Variants in JPH1 observed in about 807,000 individuals in gnomAD.
JPH1 encodes junctophilin-1.
A neutral mutation model predicts 53.6 loss-of-function variants in JPH1; 12 were observed. The observed-to-expected ratio is 0.22, with a 90% CI of 0.14 to 0.36. JPH1 has a LOEUF of 0.36. Ranked by LOEUF, JPH1 falls within the 10% of genes least tolerant of loss-of-function variation. The pLI, the probability that JPH1 is intolerant of heterozygous loss-of-function variation, is 1.00. For missense variants in JPH1, 808 were observed against 905.5 expected (o/e 0.89, Z 1.38); for synonymous variants, 375 against 363.8 (o/e 1.03, Z -0.35).
chr8:74,259,544 C>G lies in JPH1; in HGVS notation c.1140-41G>C, dbSNP rs200272110. The G allele has an allele frequency of 8.1e-6, 11 of 1,352,882 alleles. No individual in the cohort carries two copies. The African/African-American group carries it at 1.6e-4, about 20-fold the overall frequency. 83.8% of individuals were successfully genotyped at this position (1,352,882 alleles called of 1,614,324 possible). A position where few individuals can be genotyped will look rare whatever the true frequency, so the allele number is the denominator to read the frequency against. On this transcript the variant is annotated intron_variant, in intron 2 of 5. Coordinates refer to ENST00000342232, the MANE Select transcript of JPH1 (RefSeq NM_020647.4). ...AAGGACGAGTCAGCATAGGTGACCC[C>G]TTGTTACTTACACAGGGACAAGCAA...
At chr8:74,265,054 C>T (rs915073487) in intron 2 of JPH1, among the ~76,000 whole-genome samples, 1 of 152,124 alleles carries the variant, frequency 6.6e-6, no homozygotes, top group African/African-American at 2.4e-5. Context: ...TATTTTTATA[C>T]CCCCAAAATC....
chr8:74,294,691 C>T (rs1032442099), intron 2 of JPH1, among the ~76,000 whole-genome samples: 8 of 152,162 alleles, frequency 5.3e-5, no homozygotes, highest in Non-Finnish European at 8.8e-5. Context: ...GTATCTTTTT[C>T]ATTTTGGTTT....
intron 2 of JPH1, among the ~76,000 whole-genome samples, chr8:74,270,603 C>G (rs1806670760): frequency 6.6e-6 from 1 of 152,116 alleles, no homozygotes; most frequent in South Asian, 2.1e-4. Flanking sequence ...AAGATGAATG[C>G]ATGTACATCA....
At chr8:74,270,222 G>T (rs1220853268) in intron 2 of JPH1, among the ~76,000 whole-genome samples, 1 of 152,144 alleles carries the variant, frequency 6.6e-6, no homozygotes, top group African/African-American at 2.4e-5. Context: ...TTTAGGTGGT[G>T]TTAAAAATAC....
chr8:74,253,819 A>T (rs200665567), intron 3 of JPH1, among the ~76,000 whole-genome samples: 3 of 152,038 alleles, frequency 2.0e-5, no homozygotes, highest in African/African-American at 2.4e-5. Flanking sequence ...CCTTGACACA[A>T]ACACTCTCCC....
At chr8:74,275,212 A>G (rs1229724234) in intron 2 of JPH1, among the ~76,000 whole-genome samples, 2 of 152,218 alleles carry the variant, frequency 1.3e-5, no homozygotes, top group African/African-American at 4.8e-5. Flanking sequence ...CTAACACAGG[A>G]GGGACCATTC....
At chr8:74,286,826 T>C (rs1332942003) in intron 2 of JPH1, among the ~76,000 whole-genome samples, 2 of 152,220 alleles carry the variant, frequency 1.3e-5, no homozygotes, top group African/African-American at 4.8e-5. Flanking sequence ...GTATGTTTGA[T>C]CTTCCTAAAG....
At chr8:74,268,011 G>A (rs997763815) in intron 2 of JPH1, among the ~76,000 whole-genome samples, 8 of 152,322 alleles carry the variant, frequency 5.3e-5, no homozygotes, top group African/African-American at 1.9e-4. Flanking sequence ...TTTGGAACCA[G>A]GCAGACCCAG....
chr8:74,311,613 C>T (rs1266226031), intron 2 of JPH1, among the ~76,000 whole-genome samples: 3 of 151,780 alleles, frequency 2.0e-5, no homozygotes, highest in Non-Finnish European at 2.9e-5. Context: ...TGCTGGTGTG[C>T]TGCACCCATC....
At chr8:74,255,656 G>T (rs1198552270) in intron 3 of JPH1, among the ~76,000 whole-genome samples, 1 of 151,882 alleles carries the variant, frequency 6.6e-6, no homozygotes, top group African/African-American at 2.4e-5. Flanking sequence ...TCTGACAAAG[G>T]GCTAATATCC....
intron 2 of JPH1, among the ~76,000 whole-genome samples, chr8:74,280,724 A>T (rs1806988586): frequency 6.6e-6 from 1 of 152,348 alleles, no homozygotes; most frequent in African/African-American, 2.4e-5. Flanking sequence ...TAAGTTCTCA[A>T]AAATGTGGAA....
intron 2 of JPH1, among the ~76,000 whole-genome samples, chr8:74,302,079 G>T (rs1807698880): frequency 6.6e-6 from 1 of 152,226 alleles, no homozygotes; most frequent in African/African-American, 2.4e-5. Flanking sequence ...GAGAGGAGAT[G>T]ACAGATGTCA....
At chr8:74,297,287 A>G (rs1215164327) in intron 2 of JPH1, among the ~76,000 whole-genome samples, 3 of 152,232 alleles carry the variant, frequency 2.0e-5, no homozygotes, top group South Asian at 2.1e-4. Context: ...AAAGATTTGC[A>G]GCTGGACTGC....
intron 2 of JPH1, among the ~76,000 whole-genome samples, chr8:74,301,173 G>A (rs1024290274): frequency 2.0e-5 from 3 of 151,952 alleles, no homozygotes; most frequent in Admixed American, 1.3e-4. Flanking sequence ...CCTCAACCAG[G>A]GTCTTTTATC....
chr8:74,268,225 A>G (rs1806591741), intron 2 of JPH1, among the ~76,000 whole-genome samples: 2 of 152,204 alleles, frequency 1.3e-5, no homozygotes, highest in South Asian at 4.1e-4. Context: ...TGGCAGGGGA[A>G]ATCTGGGGCT....
intron 2 of JPH1, among the ~76,000 whole-genome samples, chr8:74,305,937 T>G (rs533390077): frequency 6.6e-6 from 1 of 152,356 alleles, no homozygotes; most frequent in African/African-American, 2.4e-5. Context: ...CGAAAACACA[T>G]GTCCATCTCA....
In JPH1 at chr8:74,244,474, C is replaced by T. The variant is rs139936559; in HGVS notation, c.1905+55G>A. On this transcript the variant is annotated intron_variant, in intron 4 of 5. Transcript: ENST00000342232. The stretch of plus-strand genomic sequence containing the variant: ...AGATGCACAGTCACCCCACACAGCT[C>T]GCTGAAAGAAACAAAGGGAAGAAAG... The T allele has an allele frequency of 3.0e-4, 465 of 1,532,062 alleles. 9 individuals are homozygous for T. In the East Asian group the frequency reaches 0.01, roughly 34 times the overall value. The allele number at this position is 1,532,062 out of a possible 1,614,324, so 94.9% of individuals were successfully genotyped here.
intron 2 of JPH1, among the ~76,000 whole-genome samples, chr8:74,310,854 A>C (rs1807974110): frequency 6.6e-6 from 1 of 152,232 alleles, no homozygotes; most frequent in African/African-American, 2.4e-5. Flanking sequence ...ATAACAAATA[A>C]AAGTCTCTAA....
In JPH1 at chr8:74,309,863, C is replaced by T. The variant is rs375047625; in HGVS notation, c.1139+4998G>A. Among the ~76,000 whole-genome samples, 61 of 152,260 alleles carry T rather than the reference C, an allele frequency of 4.0e-4. 1 individual carries two copies. Among genetic ancestry groups the T allele is most frequent in the African/African-American group, 1.4e-3 (59 of 41,554 alleles). On this transcript the variant is annotated intron_variant, in intron 2 of 5. Transcript: ENST00000342232. ...GCTTGGACCAGATATTCTCTCTTGCCCATTCCAGATCTGAAATTGGGGACT... is the reference window on the plus strand; with the variant it reads ...GCTTGGACCAGATATTCTCTCTTGCTCATTCCAGATCTGAAATTGGGGACT...
Sources: allele counts gnomAD v4.1 joint callset (sites outside exome capture counted in the v4.1 genomes callset), GRCh38; gene constraint gnomAD v4.1.1; transcripts MANE v1.5; gene names NCBI Gene and HGNC (gene_info 2026-07-23, HGNC 2026-07-21).